The following GTF2IRD1 variants were observed in gnomAD, a reference collection of about 807,000 sequenced individuals.
GTF2IRD1 encodes the protein GTF2I repeat domain containing 1, also known as general transcription factor II-I repeat domain-containing protein 1.
GTF2IRD1 carries 26 observed loss-of-function variants against 113.2 expected under a neutral mutation model. The observed-to-expected ratio is 0.23, with a 90% CI of 0.17 to 0.32. The LOEUF is 0.32. Among genes scored for constraint, GTF2IRD1 ranks in the 10% least tolerant of loss-of-function variants. The pLI, the probability that GTF2IRD1 is intolerant of heterozygous loss-of-function variation, is 1.00. For synonymous variants in GTF2IRD1, 484 were observed against 529.1 expected, an observed-to-expected ratio of 0.91 and a Z score of 1.17; for missense variants, 864 against 1,280.8, an observed-to-expected ratio of 0.67 and a Z score of 4.97.
chr7:74,528,222 A>G (rs587741578), intron 8 of GTF2IRD1, among the ~76,000 whole-genome samples: 1 of 151,934 alleles, frequency 6.6e-6, no homozygotes, highest in East Asian at 1.9e-4. Flanking sequence ...CAAAACCCCT[A>G]CTCTTTTTCA....
chr7:74,536,887 G>T (rs868959762), intron 11 of GTF2IRD1, among the ~76,000 whole-genome samples: 1 of 152,126 alleles, frequency 6.6e-6, no homozygotes, highest in South Asian at 2.1e-4. Flanking sequence ...GAGGTGGGTG[G>T]ATCTCTTGAT....
At chr7:74,583,722 C>G (rs1554366923) in intron 22 of GTF2IRD1, among the ~76,000 whole-genome samples, 1 of 152,100 alleles carries the variant, frequency 6.6e-6, no homozygotes, top group Non-Finnish European at 1.5e-5. Context: ...TTAGCTGCAG[C>G]CTGGTTTAGG....
intron 22 of GTF2IRD1, among the ~76,000 whole-genome samples, chr7:74,567,765 T>G (rs1450891409): frequency 9.2e-5 from 14 of 151,928 alleles, no homozygotes; most frequent in Non-Finnish European, 1.3e-4. Context: ...GAGAGTGGAA[T>G]GGCTGCAGAG....
intron 5 of GTF2IRD1, among the ~76,000 whole-genome samples, chr7:74,519,182 G>A (rs1279831727): frequency 2.0e-5 from 3 of 152,212 alleles, no homozygotes; most frequent in African/African-American, 7.2e-5. Flanking sequence ...TGGAGCAGAG[G>A]GGCAGGGCCC....
chr7:74,515,575 G>A lies in GTF2IRD1; in HGVS notation c.400G>A (p.Glu134Lys), dbSNP rs1291434200. Residue 134 changes from glutamate (E) to lysine (K), a missense_variant, in exon 4 of 27, where the codon GAG becomes AAG. Physicochemically the swap from Glu to Lys is moderately conservative, Grantham distance 56. Around this residue, in one of 7 missense-constraint regions of GTF2IRD1, gnomAD observed 182 missense variants for 266.6 expected, o/e 0.68. Transcript: ENST00000424337. ...GTACCTTCTGCGGAAGATGGTAGAG[G>A]AGGTGTTTGATGTTCTTTATAGTAA... ...DVYLLRKMVE[E>K]VFDVLYSEAL... The A allele has an allele frequency of 6.2e-7, 1 of 1,612,694 alleles. No homozygotes were observed. The highest frequency in any genetic ancestry group is 1.7e-5 in the Admixed American group (1 of 59,960).
At chr7:74,585,194 C>T (rs1583959534) in intron 22 of GTF2IRD1, among the ~76,000 whole-genome samples, 1 of 149,762 alleles carries the variant, frequency 6.7e-6, no homozygotes, top group East Asian at 2.0e-4. Flanking sequence ...CTCACTGCAA[C>T]CTCCACCTCC....
At chr7:74,479,619 C>G (rs1052241918) in intron 1 of GTF2IRD1, among the ~76,000 whole-genome samples, 8 of 152,212 alleles carry the variant, frequency 5.3e-5, no homozygotes, top group Non-Finnish European at 1.2e-4. Flanking sequence ...GTCCCGGCAG[C>G]TCAGGTGTCA....
intron 1 of GTF2IRD1, among the ~76,000 whole-genome samples, chr7:74,460,980 G>A (rs574815664): frequency 2.6e-5 from 4 of 152,186 alleles, no homozygotes; most frequent in African/African-American, 7.2e-5. Context: ...GGGGGAAATG[G>A]GGGGAAAGTA....
chr7:74,590,149 C>T (rs1801969478), intron 23 of GTF2IRD1, among the ~76,000 whole-genome samples: 1 of 151,938 alleles, frequency 6.6e-6, no homozygotes, highest in Admixed American at 6.6e-5. Context: ...TGGCGTATCT[C>T]CGCTCACTGC....
At chr7:74,563,416 A>G (rs1452709075) in intron 22 of GTF2IRD1, among the ~76,000 whole-genome samples, 1 of 151,922 alleles carries the variant, frequency 6.6e-6, no homozygotes, top group African/African-American at 2.4e-5. Flanking sequence ...CGTCTCTACT[A>G]AAAATAAAAA....
intron 15 of GTF2IRD1, among the ~76,000 whole-genome samples, chr7:74,545,195 C>T (rs1314177408): frequency 2.6e-5 from 4 of 152,074 alleles, no homozygotes; most frequent in Admixed American, 6.6e-5. Flanking sequence ...TTCTCAGGAA[C>T]GTGAGAATTC....
At chr7:74,595,745 A>G (rs1266373247) in intron 25 of GTF2IRD1, among the ~76,000 whole-genome samples, 4 of 152,184 alleles carry the variant, frequency 2.6e-5, no homozygotes, top group African/African-American at 9.6e-5. Flanking sequence ...CCATAGCACC[A>G]GTGAGTGTAT....
intron 2 of GTF2IRD1, among the ~76,000 whole-genome samples, chr7:74,510,825 G>A (rs1301796191): frequency 6.6e-6 from 1 of 151,816 alleles, no homozygotes. Flanking sequence ...GAGTGGGGCA[G>A]ATCACTTGAG....
At chr7:74,462,886 G>A (rs529192700) in intron 1 of GTF2IRD1, among the ~76,000 whole-genome samples, 16 of 152,314 alleles carry the variant, frequency 1.1e-4, no homozygotes, top group African/African-American at 2.6e-4. Flanking sequence ...TCCTCCCGCC[G>A]CCATCCAGGT....
intron 2 of GTF2IRD1, among the ~76,000 whole-genome samples, chr7:74,510,709 T>C (rs1554342706): frequency 6.6e-6 from 1 of 152,144 alleles, no homozygotes; most frequent in Non-Finnish European, 1.5e-5. Flanking sequence ...CTGGTGTCTA[T>C]GGATTGGACA....
In GTF2IRD1 at chr7:74,598,482, G is replaced by T. The variant is rs1207189912; in HGVS notation, c.2630-2562G>T. Among the ~76,000 whole-genome samples, 15 of 152,066 alleles carry T rather than the reference G, an allele frequency of 9.9e-5. No individual in the cohort carries two copies. The South Asian group carries it at 3.1e-3, about 32-fold the overall frequency. ...AAAAAAAAAATTAGCCGGGGGTGGT[G>T]GTGGGCGCCTGTAATCCCAGCCGCT... On this transcript the variant is annotated intron_variant, in intron 25 of 26. Transcript: ENST00000424337.
chr7:74,466,053 G>A (rs1793687518), intron 1 of GTF2IRD1, among the ~76,000 whole-genome samples: 1 of 152,224 alleles, frequency 6.6e-6, no homozygotes, highest in Non-Finnish European at 1.5e-5. Flanking sequence ...TTATAGGCAT[G>A]AGCCACTGCA....
chr7:74,553,385 G>A (rs1422149352), intron 17 of GTF2IRD1, among the ~76,000 whole-genome samples: 1 of 151,876 alleles, frequency 6.6e-6, no homozygotes, highest in African/African-American at 2.4e-5. Context: ...TAAACTCCTG[G>A]GCTCAAGCAA....
At position 74,531,434 on chromosome 7, in the gene GTF2IRD1, G is replaced by T. The variant is rs1244948205; in HGVS notation, c.1274+1517G>T. Among the ~76,000 whole-genome samples, 3 of 151,594 alleles carry T rather than the reference G, an allele frequency of 2.0e-5. No individual in the cohort carries two copies. The East Asian group carries it at 5.8e-4, about 29-fold the overall frequency. ...TTGTCCATGCCTCATAGTGTTGATCGGAGAGTAAATTACCAGATGTGGATG... is the reference window on the plus strand; with the variant it reads ...TTGTCCATGCCTCATAGTGTTGATCTGAGAGTAAATTACCAGATGTGGATG... On this transcript the variant is annotated intron_variant, in intron 9 of 26. Coordinates refer to ENST00000424337, the MANE Select transcript of GTF2IRD1 (RefSeq NM_005685.4).
Sources: allele counts gnomAD v4.1 joint callset (sites outside exome capture counted in the v4.1 genomes callset), GRCh38; gene constraint gnomAD v4.1.1; regional missense constraint gnomAD v4.1.1; transcripts MANE v1.5; gene names NCBI Gene and HGNC (gene_info 2026-07-23, HGNC 2026-07-21).